EXOC6B: variants seen among roughly 807,000 people sequenced by gnomAD.
EXOC6B encodes exocyst complex component 6B, also known as SEC15 homolog B.
EXOC6B carries 54 observed loss-of-function variants against 113.5 expected under a neutral mutation model. The observed-to-expected ratio is 0.48, with a 90% CI of 0.38 to 0.60. The LOEUF is 0.60. Ranked by LOEUF, EXOC6B falls within the 20% of genes least tolerant of loss-of-function variation. The pLI, the probability that EXOC6B is intolerant of heterozygous loss-of-function variation, is 0.00. For synonymous variants in EXOC6B, 357 were observed against 339.0 expected (o/e 1.05, Z -0.58); for missense variants, 797 against 977.5 (o/e 0.82, Z 2.46).
At chr2:72,756,114 G>A (rs536197531) in intron 1 of EXOC6B, among the ~76,000 whole-genome samples, 1 of 152,162 alleles carries the variant, frequency 6.6e-6, no homozygotes, top group East Asian at 1.9e-4. Context: ...TTGTCAGGTG[G>A]AGTCTGTTAA....
At chr2:72,349,742 G>T (rs977925394) in intron 19 of EXOC6B, among the ~76,000 whole-genome samples, 3 of 152,040 alleles carry the variant, frequency 2.0e-5, no homozygotes, top group Admixed American at 6.6e-5. Flanking sequence ...AACTATAATT[G>T]TAAGTACAGA....
chr2:72,656,283 T>G (rs1056688524), intron 6 of EXOC6B, among the ~76,000 whole-genome samples: 2 of 152,130 alleles, frequency 1.3e-5, no homozygotes, highest in African/African-American at 4.8e-5. Flanking sequence ...AAAAGTTTAA[T>G]TGTTCAATAA....
chr2:72,825,770 C>G lies in EXOC6B; in HGVS notation c.113+28G>C. On this transcript the variant is annotated intron_variant, in intron 1 of 21. Transcript: ENST00000272427. This position sits in a 1 kb window ranked among gnomAD's most constrained non-coding sequence, Gnocchi z 4.4. Reference sequence around the variant, plus strand: ...CCTGCCCCGTCCCGCCCGTTCCCGCCCCTCTGTGGTCCCGGCACCCGGGGT... The same window carrying G: ...CCTGCCCCGTCCCGCCCGTTCCCGCGCCTCTGTGGTCCCGGCACCCGGGGT... 5.0e-6 allele frequency: 8 copies of G among 1,606,892 alleles called. No individual in the cohort carries two copies. The highest frequency in any genetic ancestry group is 6.8e-6 in the Non-Finnish European group (8 of 1,177,352).
rs141534666 is a variant in EXOC6B at position 72,565,914 on chromosome 2, G to T, written c.847-6393C>A. The stretch of plus-strand genomic sequence containing the variant: ...TTGACATTATCTAACAAAATTATAC[G>T]TGCATTTACCCCTTGACTCAACCAT... On this transcript the variant is annotated intron_variant, in intron 7 of 21. Coordinates refer to ENST00000272427, the MANE Select transcript of EXOC6B (RefSeq NM_015189.3). Among the ~76,000 whole-genome samples the T allele has an allele frequency of 3.9e-3, 587 of 152,048 alleles. 17 individuals carry two copies. Among genetic ancestry groups the T allele is most frequent in the Admixed American group, 0.035 (537 of 15,272 alleles).
At chr2:72,438,717 T>C (rs1363521435) in intron 18 of EXOC6B, among the ~76,000 whole-genome samples, 1 of 152,210 alleles carries the variant, frequency 6.6e-6, no homozygotes, top group East Asian at 1.9e-4. Flanking sequence ...TTCATTATTA[T>C]GGTAAAATAA....
intron 18 of EXOC6B, among the ~76,000 whole-genome samples, chr2:72,396,160 A>C (rs1302164986): frequency 2.6e-5 from 4 of 152,070 alleles, no homozygotes; most frequent in Non-Finnish European, 5.9e-5. Context: ...TTGAGAGGAT[A>C]CTCTTAAATA....
intron 1 of EXOC6B, among the ~76,000 whole-genome samples, chr2:72,747,656 A>T (rs1323661226): frequency 6.6e-6 from 1 of 152,094 alleles, no homozygotes; most frequent in African/African-American, 2.4e-5. Flanking sequence ...AAAGGTAACA[A>T]GCAAATCAAA....
intron 18 of EXOC6B, among the ~76,000 whole-genome samples, chr2:72,401,550 T>TATATAC (rs1693221524): frequency 1.4e-4 from 3 of 21,996 alleles, no homozygotes; most frequent in East Asian, 1.4e-3. Context: ...TATATGTGTA[T>TATATAC]ATATATATAT....
intron 20 of EXOC6B, among the ~76,000 whole-genome samples, chr2:72,267,371 C>T (rs1452440793): frequency 6.6e-6 from 1 of 152,130 alleles, no homozygotes; most frequent in Non-Finnish European, 1.5e-5. Flanking sequence ...TTTGCCCATT[C>T]AGTATGATAT....
At chr2:72,227,599 A>G (rs897502543) in intron 20 of EXOC6B, among the ~76,000 whole-genome samples, 2 of 152,204 alleles carry the variant, frequency 1.3e-5, no homozygotes, top group Non-Finnish European at 2.9e-5. Context: ...AGCACAACTG[A>G]TATGTTTTAT....
At chr2:72,791,916 C>CCAA (rs1193353330) in intron 1 of EXOC6B, among the ~76,000 whole-genome samples, 1 of 152,188 alleles carries the variant, frequency 6.6e-6, no homozygotes, top group African/African-American at 2.4e-5. Flanking sequence ...TTCACTGAAA[C>CCAA]ATAGATTCCA....
intron 20 of EXOC6B, among the ~76,000 whole-genome samples, chr2:72,203,714 G>A (rs112690380): frequency 0.01 from 1,536 of 152,268 alleles, 13 homozygotes; most frequent in Non-Finnish European, 0.017. Flanking sequence ...ATTGGAGAAT[G>A]AATTGTATTC....
intron 20 of EXOC6B, among the ~76,000 whole-genome samples, chr2:72,324,821 A>AG (rs965259676): frequency 1.1e-4 from 17 of 152,200 alleles, no homozygotes; most frequent in African/African-American, 3.9e-4. Flanking sequence ...TGAAGAAAAG[A>AG]GGGAGACACT....
intron 20 of EXOC6B, among the ~76,000 whole-genome samples, chr2:72,235,394 G>A (rs1245139299): frequency 6.6e-6 from 1 of 152,068 alleles, no homozygotes; most frequent in Non-Finnish European, 1.5e-5. Context: ...ACAGACACCA[G>A]GGCCTACTTG....
intron 1 of EXOC6B, among the ~76,000 whole-genome samples, chr2:72,749,822 C>T (rs1681926216): frequency 6.6e-6 from 1 of 151,806 alleles, no homozygotes; most frequent in Admixed American, 6.6e-5. Flanking sequence ...ATGGTAGAAA[C>T]ACAGCAGTGA....
chr2:72,563,059 T>C (rs776427106), intron 7 of EXOC6B, among the ~76,000 whole-genome samples: 1 of 152,140 alleles, frequency 6.6e-6, no homozygotes, highest in Non-Finnish European at 1.5e-5. Flanking sequence ...GTAGGTAAGA[T>C]TTTACATTCT....
chr2:72,287,445 A>T (rs1396617913), intron 20 of EXOC6B, among the ~76,000 whole-genome samples: 4 of 148,736 alleles, frequency 2.7e-5, no homozygotes, highest in South Asian at 2.1e-4. Context: ...AAAAAAAAAT[A>T]AAAATAAAAA....
intron 18 of EXOC6B, among the ~76,000 whole-genome samples, chr2:72,387,469 T>C (rs1692106150): frequency 6.6e-6 from 1 of 152,178 alleles, no homozygotes. Flanking sequence ...AGTTTCTTTG[T>C]GGGAGGGTTT....
At chr2:72,385,511 C>T (rs1336641296) in intron 18 of EXOC6B, among the ~76,000 whole-genome samples, 5 of 150,602 alleles carry the variant, frequency 3.3e-5, no homozygotes, top group Non-Finnish European at 7.4e-5. Context: ...AAAACAGACA[C>T]ACAGGATTAC....
Sources: allele counts gnomAD v4.1 joint callset (sites outside exome capture counted in the v4.1 genomes callset), GRCh38; gene constraint gnomAD v4.1.1; non-coding constraint Gnocchi (gnomAD v3.1); transcripts MANE v1.5; gene names NCBI Gene and HGNC (gene_info 2026-07-23, HGNC 2026-07-21).